Variants in TMEM132B observed in about 807,000 individuals in gnomAD.
The protein encoded by TMEM132B is transmembrane protein 132B.
A neutral mutation model predicts 90.8 loss-of-function variants in TMEM132B; 18 were observed. The ratio of observed to expected loss-of-function variants is 0.20; its 90% CI spans 0.14 to 0.29. The LOEUF (loss-of-function observed/expected upper bound fraction) is 0.29, where lower values mean the gene tolerates loss of function less well. Ranked by LOEUF, TMEM132B falls within the 10% of genes least tolerant of loss-of-function variation. TMEM132B has a pLI of 1.00. For missense variants in TMEM132B, 1,096 were observed against 1,326.8 expected (o/e 0.83, Z 2.70); for synonymous variants, 504 against 523.3 (o/e 0.96, Z 0.50).
chr12:125,337,397 G>T (rs572780693), intron 1 of TMEM132B, among the ~76,000 whole-genome samples: 24 of 152,254 alleles, frequency 1.6e-4, no homozygotes, highest in African/African-American at 5.5e-4. Context: ...CAGGGCCGGG[G>T]CTCCTTCCAG....
At chr12:125,576,901 G>A (rs377029674) in intron 4 of TMEM132B, among the ~76,000 whole-genome samples, 9 of 151,096 alleles carry the variant, frequency 6.0e-5, no homozygotes, top group East Asian at 1.9e-4. Context: ...TGGCAGGGGG[G>A]TGGGGTTGGC....
At chr12:125,281,942 G>C in intron 1 of TMEM132B, among the ~76,000 whole-genome samples, 1 of 149,186 alleles carries the variant, frequency 6.7e-6, no homozygotes, top group East Asian at 2.0e-4. Context: ...GCAGGAGAAT[G>C]GCGTGAACCC....
chr12:125,352,814 G>C lies in TMEM132B; in HGVS notation c.959+2471G>C, dbSNP rs151122983. On this transcript the variant is annotated intron_variant, in intron 2 of 8. Transcript: ENST00000682704. ...GCCTTTTTGGAGTTGTGCTTATTCA[G>C]ATGCCCACCAACAGGATTCCGAGGC... 1.5e-3 allele frequency among the ~76,000 whole-genome samples: 228 copies of C among 152,302 alleles called. 1 individual carries two copies. Among genetic ancestry groups the C allele is most frequent in the Non-Finnish European group, 1.7e-3 (114 of 68,012 alleles).
intron 5 of TMEM132B, among the ~76,000 whole-genome samples, chr12:125,613,328 CA>C (rs940896945): frequency 2.7e-5 from 4 of 148,318 alleles, no homozygotes; most frequent in African/African-American, 9.9e-5. Context: ...GGGATATCCA[CA>C]ACCGAATTTA....
intron 5 of TMEM132B, among the ~76,000 whole-genome samples, chr12:125,633,792 C>G (rs1384270975): frequency 6.6e-6 from 1 of 152,236 alleles, no homozygotes; most frequent in African/African-American, 2.4e-5. Flanking sequence ...CTCTCTCTCT[C>G]TGTTCTGAGC....
intron 1 of TMEM132B, among the ~76,000 whole-genome samples, chr12:125,216,164 A>G (rs934752313): frequency 1.3e-5 from 2 of 152,200 alleles, no homozygotes; most frequent in African/African-American, 4.8e-5. Flanking sequence ...CTTTTCTTAC[A>G]GTTCTGGAGG....
chr12:125,218,107 T>A (rs1168943145), intron 1 of TMEM132B, among the ~76,000 whole-genome samples: 1 of 152,126 alleles, frequency 6.6e-6, no homozygotes, highest in Non-Finnish European at 1.5e-5. Flanking sequence ...AATACACATG[T>A]ATATGTTTGC....
At chr12:125,198,272 G>A (rs1360927445) in intron 1 of TMEM132B, among the ~76,000 whole-genome samples, 1 of 152,186 alleles carries the variant, frequency 6.6e-6, no homozygotes, top group Non-Finnish European at 1.5e-5. Flanking sequence ...GGGAATGTAG[G>A]CATCCTTGGA....
chr12:125,341,281 G>A (rs1877171797), intron 1 of TMEM132B, among the ~76,000 whole-genome samples: 2 of 152,170 alleles, frequency 1.3e-5, no homozygotes, highest in African/African-American at 4.8e-5. Context: ...TCATTTATGA[G>A]TGGGGGTAAA....
intron 2 of TMEM132B, among the ~76,000 whole-genome samples, chr12:125,362,351 G>T (rs10846881): frequency 0.35 from 53,232 of 152,010 alleles, 10,668 homozygotes; most frequent in East Asian, 0.75. Context: ...TTTCTTTTAG[G>T]AAGTCTATCC....
intron 2 of TMEM132B, among the ~76,000 whole-genome samples, chr12:125,386,922 C>A (rs1436923527): frequency 6.6e-6 from 1 of 152,138 alleles, no homozygotes; most frequent in African/African-American, 2.4e-5. Flanking sequence ...TCTCTAAAAC[C>A]CAGAGCTTCT....
intron 1 of TMEM132B, among the ~76,000 whole-genome samples, chr12:125,202,757 C>T (rs1873092416): frequency 6.6e-6 from 1 of 151,474 alleles, no homozygotes; most frequent in Non-Finnish European, 1.5e-5. Flanking sequence ...GGAGGCTGTC[C>T]TAGAAGCTAT....
intron 5 of TMEM132B, among the ~76,000 whole-genome samples, chr12:125,642,914 G>A (rs1353793092): frequency 1.3e-5 from 2 of 152,000 alleles, no homozygotes; most frequent in Non-Finnish European, 1.5e-5. Context: ...CATTTCCAAG[G>A]AAGCACATTC....
At chr12:125,272,381 G>T (rs970543726) in intron 1 of TMEM132B, among the ~76,000 whole-genome samples, 1 of 152,126 alleles carries the variant, frequency 6.6e-6, no homozygotes, top group Non-Finnish European at 1.5e-5. Context: ...GATGAATAGG[G>T]CGTCCCTGTC....
intron 1 of TMEM132B, among the ~76,000 whole-genome samples, chr12:125,310,858 G>A (rs557206882): frequency 6.6e-6 from 1 of 152,324 alleles, no homozygotes; most frequent in East Asian, 1.9e-4. Flanking sequence ...AACAGTTTTA[G>A]GATGTCTCCT....
Position 125,251,339 on chromosome 12 carries a change from A to G in TMEM132B, c.67+64473A>G, listed in dbSNP as rs1028435921. ...CATGAAATAGCATTTTAGAAAAAAG[A>G]ACTGGATGGAAATGTATTTTGCGTC... On this transcript the variant is annotated intron_variant, in intron 1 of 8. Transcript: ENST00000682704. The surrounding 1 kb of genome is among the most constrained non-coding windows in gnomAD (Gnocchi z 4.4). Among the ~76,000 whole-genome samples the G allele has an allele frequency of 7.9e-5, 12 of 152,230 alleles. No individual in the cohort carries two copies. Among genetic ancestry groups the G allele is most frequent in the Non-Finnish European group, 1.5e-4 (10 of 68,046 alleles).
chr12:125,208,427 A>G (rs1593041781), intron 1 of TMEM132B, among the ~76,000 whole-genome samples: 1 of 152,162 alleles, frequency 6.6e-6, no homozygotes, highest in African/African-American at 2.4e-5. Context: ...GAAACCCTGT[A>G]CCTTGCAGGT....
At chr12:125,280,459 A>T (rs190413824) in intron 1 of TMEM132B, among the ~76,000 whole-genome samples, 1 of 152,252 alleles carries the variant, frequency 6.6e-6, no homozygotes, top group South Asian at 2.1e-4. Flanking sequence ...GGGATAACGA[A>T]GCATGTCAAA....
intron 2 of TMEM132B, among the ~76,000 whole-genome samples, chr12:125,403,144 G>A (rs1006390545): frequency 6.6e-6 from 1 of 152,176 alleles, no homozygotes. Context: ...AGCTATAAAA[G>A]AACTCAAGCT....
Sources: allele counts gnomAD v4.1 joint callset (sites outside exome capture counted in the v4.1 genomes callset), GRCh38; gene constraint gnomAD v4.1.1; non-coding constraint Gnocchi (gnomAD v3.1); transcripts MANE v1.5; gene names NCBI Gene and HGNC (gene_info 2026-07-23, HGNC 2026-07-21).